ZNF682: variants seen among roughly 807,000 people sequenced by gnomAD.
The protein encoded by ZNF682 is zinc finger protein 682.
ZNF682 carries 29 observed loss-of-function variants against 36.5 expected under a neutral mutation model. The ratio of observed to expected loss-of-function variants is 0.80; its 90% CI spans 0.59 to 1.08. The LOEUF is 1.08. Among genes scored for constraint, ZNF682 ranks in the 50% least tolerant of loss-of-function variants. The pLI, the probability that ZNF682 is intolerant of heterozygous loss-of-function variation, is 0.00. For missense variants in ZNF682, 561 were observed against 579.7 expected, an observed-to-expected ratio of 0.97 and a Z score of 0.33; for synonymous variants, 180 against 197.0, an observed-to-expected ratio of 0.91 and a Z score of 0.72.
At chr19:20,039,229 A>G (rs938878945) in intron 1 of ZNF682, 114 bp downstream of exon 1, 12 of 1,522,740 alleles carry the variant, frequency 7.9e-6, no homozygotes, top group Admixed American at 5.8e-5. Context: ...CGGGGACTCC[A>G]GTCCGCAGAC....
At chr19:20,029,311 A>G (rs1436231633) in intron 1 of ZNF682, among the ~76,000 whole-genome samples, 1 of 150,046 alleles carries the variant, frequency 6.7e-6, no homozygotes, top group East Asian at 2.0e-4. Flanking sequence ...TTTTAAATGC[A>G]TGGAATAGGC....
At chr19:20,017,363 T>C (rs1343167959) in intron 3 of ZNF682, among the ~76,000 whole-genome samples, 1 of 152,114 alleles carries the variant, frequency 6.6e-6, no homozygotes. Context: ...AGTGACAGGA[T>C]ACAAAAATAT....
At position 20,009,454 on chromosome 19, in the gene ZNF682, G is replaced by C. The variant is rs146598459; in HGVS notation, c.227-2179C>G. Among the ~76,000 whole-genome samples, 3 of 152,260 alleles carry C rather than the reference G, an allele frequency of 2.0e-5. No homozygotes were observed. The East Asian group carries it at 5.8e-4, about 29-fold the overall frequency. On this transcript the variant is annotated intron_variant, in intron 3 of 3. Coordinates refer to ENST00000397165, the MANE Select transcript of ZNF682 (RefSeq NM_033196.3). ...AAAGTAACCAACTTGGAAAACATAC[G>C]TAAGGATATAATCTACGAAAAATTT...
At chr19:20,038,660 C>T (rs1213409681) in intron 1 of ZNF682, among the ~76,000 whole-genome samples, 1 of 151,106 alleles carries the variant, frequency 6.6e-6, no homozygotes, top group African/African-American at 2.4e-5. Context: ...TAAATTGCTA[C>T]CTTAGGGGGA....
rs2088199747 is a variant in ZNF682, at chr19:20,005,088, T to C, written c.*917A>G. ...CTTTCATATAAACTAGCGTTCTTTC[T>C]TTTTTTTTGAGACAGAGTCTCTGTC... is the stretch of plus-strand genomic sequence containing the variant. On this transcript the variant is annotated 3_prime_UTR_variant, in exon 4 of 4. Transcript: ENST00000397165. 6.6e-6 allele frequency: 1 copy of C among 151,370 alleles called. No homozygotes were observed. The highest frequency in any genetic ancestry group is 2.4e-5 in the African/African-American group (1 of 41,200). The allele number at this position is 151,370 out of a possible 1,614,324, so 9.4% of individuals were successfully genotyped here.
At chr19:19,996,395 C>G (rs915581407), downstream of ZNF682, among the ~76,000 whole-genome samples, 2 of 152,148 alleles carry the variant, frequency 1.3e-5, no homozygotes, top group Non-Finnish European at 2.9e-5. Flanking sequence ...ATGTTTATAG[C>G]AGCACTATTT....
At chr19:20,032,344 A>G (rs1332651883) in intron 1 of ZNF682, among the ~76,000 whole-genome samples, 1 of 152,210 alleles carries the variant, frequency 6.6e-6, no homozygotes, top group Admixed American at 6.5e-5. Context: ...TTGTCTCTGA[A>G]TTCATTTCAG....
At chr19:20,007,456 T>C in intron 3 of ZNF682, 181 bp from the exon 4 acceptor site, 1 of 552,440 alleles carries the variant, frequency 1.8e-6, no homozygotes, top group Non-Finnish European at 3.0e-6. Context: ...TTTAAACAGA[T>C]CTTTTGAGAA....
In ZNF682 at chr19:20,006,947, G is replaced by A. The variant is rs746442633; in HGVS notation, c.555C>T (p.His185=). The A allele has an allele frequency of 6.2e-6, 10 of 1,613,416 alleles. No homozygotes were observed. Among genetic ancestry groups the A allele is most frequent in the Non-Finnish European group, 7.6e-6 (9 of 1,179,546 alleles). Residue 185 remains histidine, a synonymous_variant, in exon 4 of 4, where the codon CAC becomes CAT. Coordinates refer to ENST00000397165, the MANE Select transcript of ZNF682 (RefSeq NM_033196.3). ...CMQCGKVFKS[H]SGLSYHKIIH... is the part of the protein sequence containing the mutation. ...TTATCTTATGATAAGAAAGGCCTGA[G>A]TGAGATTTAAAGACTTTGCCACATT...
At chr19:20,031,104 G>A (rs2088475723) in intron 1 of ZNF682, 4 of 152,266 alleles carry the variant, frequency 2.6e-5, no homozygotes, top group Admixed American at 1.3e-4. Context: ...AGGAAACACT[G>A]AGACTGATTC....
intron 3 of ZNF682, among the ~76,000 whole-genome samples, chr19:20,008,720 C>T (rs1487810046): frequency 6.6e-6 from 1 of 152,098 alleles, no homozygotes; most frequent in Non-Finnish European, 1.5e-5. Flanking sequence ...GGGTGCAGTG[C>T]CAGCAGTTGA....
At chr19:20,021,519 ACT>A (rs1483858975) in intron 3 of ZNF682, among the ~76,000 whole-genome samples, 1 of 152,072 alleles carries the variant, frequency 6.6e-6, no homozygotes, top group East Asian at 1.9e-4. Flanking sequence ...ACAACAAAAA[ACT>A]CTGTGAGGTT....
rs1424958309 is a variant in ZNF682 at position 20,007,178 on chromosome 19, A to G, written c.324T>C (p.Leu108=). The change falls in exon 4 of 4, where the codon CTT becomes CTC. Residue 108 remains leucine, a synonymous_variant. Coordinates refer to ENST00000397165, the MANE Select transcript of ZNF682 (RefSeq NM_033196.3). The part of the protein sequence containing the change: ...VILRRYGSCG[L]EDLHLRKDGE... The stretch of plus-strand genomic sequence containing the variant: ...CATCCTTCCTTAAGTGTAAATCCTC[A>G]AGTCCACAGCTTCCATATCTTCTCA... The G allele has an allele frequency of 1.9e-6, 3 of 1,613,794 alleles. No individual in the cohort carries two copies. The highest frequency in any genetic ancestry group is 1.7e-6 in the Non-Finnish European group (2 of 1,180,014).
downstream of ZNF682, among the ~76,000 whole-genome samples, chr19:20,002,383 TCA>T (rs1218975339): frequency 6.6e-6 from 1 of 152,076 alleles, no homozygotes; most frequent in East Asian, 1.9e-4. Flanking sequence ...TCTTTGTCCT[TCA>T]CACAGACATA....
chr19:20,015,127 A>C, intron 3 of ZNF682: 1 of 892,842 alleles, frequency 1.1e-6, no homozygotes, highest in Middle Eastern at 5.8e-4. Context: ...ACAATTAAAA[A>C]TAAACAATTA....
At chr19:20,033,137 G>C (rs1349966368) in intron 1 of ZNF682, among the ~76,000 whole-genome samples, 1 of 152,054 alleles carries the variant, frequency 6.6e-6, no homozygotes, top group Non-Finnish European at 1.5e-5. Context: ...CGTTGTGGTG[G>C]GCACCTGTAA....
At chr19:20,000,633 G>A (rs1206884726), downstream of ZNF682, among the ~76,000 whole-genome samples, 4 of 152,192 alleles carry the variant, frequency 2.6e-5, no homozygotes, top group Non-Finnish European at 5.9e-5. Flanking sequence ...AAATGGGGAC[G>A]AAGTTTATCT....
intron 2 of ZNF682, 29 bp from the exon 3 acceptor site, chr19:20,023,128 T>C: frequency 6.3e-7 from 1 of 1,598,966 alleles, no homozygotes; most frequent in Non-Finnish European, 8.6e-7. Context: ...GTAATGTGAT[T>C]CTTGCTGGGA....
intron 3 of ZNF682, chr19:20,015,306 G>C: frequency 2.0e-6 from 2 of 985,172 alleles, no homozygotes; most frequent in Non-Finnish European, 2.4e-6. Flanking sequence ...CAACAAAAAT[G>C]TAAATATAAG....
Sources: gnomAD v4.1 joint callset for allele counts (sites outside exome capture counted in the v4.1 genomes callset) on GRCh38, gnomAD v4.1.1 for gene constraint, MANE v1.5 for transcripts, NCBI Gene and HGNC (gene_info 2026-07-23, HGNC 2026-07-21) for gene names.